Variants in STK32B observed in about 807,000 individuals in gnomAD.
The protein encoded by STK32B is serine/threonine kinase 32B, also known as serine/threonine-protein kinase 32B.
STK32B carries 43 observed loss-of-function variants against 52.6 expected under a neutral mutation model. The observed-to-expected ratio is 0.82, with a 90% CI of 0.64 to 1.05. The LOEUF (loss-of-function observed/expected upper bound fraction) is 1.05. Ranked by LOEUF, STK32B falls within the 50% of genes least tolerant of loss-of-function variation. The probability of loss-of-function intolerance (pLI) is 0.00; values close to 1 mark genes in which losing one functional copy is unlikely to be tolerated. For missense variants in STK32B, 621 were observed against 534.6 expected, an observed-to-expected ratio of 1.16 and a Z score of -1.59; for synonymous variants, 238 against 204.3, an observed-to-expected ratio of 1.17 and a Z score of -1.41.
intron 6 of STK32B, among the ~76,000 whole-genome samples, chr4:5,425,058 C>G (rs1258842280): frequency 2.0e-5 from 3 of 152,246 alleles, no homozygotes; most frequent in Non-Finnish European, 4.4e-5. Context: ...GCTGTTCACC[C>G]CGCCACAGCC....
At chr4:5,415,978 C>T (rs1049031978) in intron 5 of STK32B, among the ~76,000 whole-genome samples, 6 of 152,146 alleles carry the variant, frequency 3.9e-5, no homozygotes, top group African/African-American at 1.4e-4. Flanking sequence ...TGCCAAATGC[C>T]ACTCTTAGGT....
intron 6 of STK32B, among the ~76,000 whole-genome samples, chr4:5,425,252 G>A (rs562655811): frequency 1.3e-5 from 2 of 152,330 alleles, no homozygotes; most frequent in South Asian, 4.1e-4. Context: ...GCAGGTGAAG[G>A]TGCCACCAGC....
At chr4:5,187,477 G>C (rs1185344674) in intron 3 of STK32B, among the ~76,000 whole-genome samples, 1 of 152,170 alleles carries the variant, frequency 6.6e-6, no homozygotes, top group Non-Finnish European at 1.5e-5. Flanking sequence ...AAAAGCTGAA[G>C]ACTAGTGGAT....
At chr4:5,244,305 G>A (rs1725276520) in intron 3 of STK32B, among the ~76,000 whole-genome samples, 1 of 152,166 alleles carries the variant, frequency 6.6e-6, no homozygotes, top group South Asian at 2.1e-4. Context: ...TTAGTCTTGG[G>A]AGGGTGTATG....
chr4:5,150,100 T>G (rs1717223232), intron 2 of STK32B, among the ~76,000 whole-genome samples: 1 of 152,062 alleles, frequency 6.6e-6, no homozygotes, highest in Non-Finnish European at 1.5e-5. Context: ...CTTTGAATCA[T>G]TATTGTCCAG....
At chr4:5,124,163 C>G (rs1560163690) in intron 1 of STK32B, among the ~76,000 whole-genome samples, 1 of 152,302 alleles carries the variant, frequency 6.6e-6, no homozygotes, top group East Asian at 1.9e-4. Context: ...ACCCCATCAG[C>G]TTGTTGAGTT....
At chr4:5,275,215 A>G (rs2108862860) in intron 3 of STK32B, among the ~76,000 whole-genome samples, 1 of 152,306 alleles carries the variant, frequency 6.6e-6, no homozygotes, top group South Asian at 2.1e-4. Context: ...AACCAATTAT[A>G]TAATATTAAG....
intron 3 of STK32B, among the ~76,000 whole-genome samples, chr4:5,310,144 A>C (rs6832831): frequency 0.13 from 19,441 of 152,052 alleles, 2,690 homozygotes; most frequent in African/African-American, 0.35. Context: ...CCAGCCTGGG[A>C]AACAGAGCAA....
chr4:5,421,271 T>C (rs964462276), intron 6 of STK32B, among the ~76,000 whole-genome samples: 12 of 151,874 alleles, frequency 7.9e-5, no homozygotes, highest in African/African-American at 2.2e-4. Flanking sequence ...TTTGTATTTT[T>C]AGTAGAGACG....
intron 4 of STK32B, among the ~76,000 whole-genome samples, chr4:5,344,124 C>A (rs1185746399): frequency 6.6e-6 from 1 of 152,112 alleles, no homozygotes; most frequent in Admixed American, 6.5e-5. Context: ...AAGTGCAGGA[C>A]CCCGGTAATT....
At chr4:5,095,747 T>C (rs747915128) in intron 1 of STK32B, among the ~76,000 whole-genome samples, 5 of 152,256 alleles carry the variant, frequency 3.3e-5, no homozygotes, top group Admixed American at 6.5e-5. Flanking sequence ...ACCACCGTCA[T>C]GACTGACCCT....
At chr4:5,135,545 G>A (rs1012017715) in intron 1 of STK32B, among the ~76,000 whole-genome samples, 1 of 152,200 alleles carries the variant, frequency 6.6e-6, no homozygotes, top group African/African-American at 2.4e-5. Flanking sequence ...TAGACAACCT[G>A]ACCCACTGAA....
At chr4:5,228,725 T>C (rs1724041381) in intron 3 of STK32B, among the ~76,000 whole-genome samples, 1 of 152,196 alleles carries the variant, frequency 6.6e-6, no homozygotes, top group Non-Finnish European at 1.5e-5. Context: ...CCTAGCACTT[T>C]GGGAGGCCGA....
At position 5,151,969 on chromosome 4, in the gene STK32B, T is replaced by C. The variant is rs564891625; in HGVS notation, c.108+12009T>C. On this transcript the variant is annotated intron_variant, in intron 2 of 11. Coordinates refer to ENST00000282908, the MANE Select transcript of STK32B (RefSeq NM_018401.3). Reference sequence around the variant, plus strand: ...ACTTGAGATGACCATATGATGTGCCTGTGCCAGCCACATGGACCATATTCA... The same window carrying C: ...ACTTGAGATGACCATATGATGTGCCCGTGCCAGCCACATGGACCATATTCA... Among the ~76,000 whole-genome samples, 9 of 152,326 alleles carry C rather than the reference T, an allele frequency of 5.9e-5. No homozygotes were observed. The East Asian group carries it at 1.7e-3, about 29-fold the overall frequency.
chr4:5,442,062 G>GA (rs1409057987), intron 6 of STK32B, among the ~76,000 whole-genome samples: 10 of 110,468 alleles, frequency 9.1e-5, no homozygotes, highest in Middle Eastern at 3.9e-3. Flanking sequence ...GTGTGGTGCT[G>GA]AAAAAAATGT....
At chr4:5,101,310 C>G (rs1057505371) in intron 1 of STK32B, among the ~76,000 whole-genome samples, 2 of 151,938 alleles carry the variant, frequency 1.3e-5, no homozygotes, top group African/African-American at 4.8e-5. Context: ...AGCATGCCTT[C>G]GGGGACATTG....
At chr4:5,364,049 A>T (rs968034600) in intron 4 of STK32B, among the ~76,000 whole-genome samples, 1 of 152,150 alleles carries the variant, frequency 6.6e-6, no homozygotes, top group African/African-American at 2.4e-5. Flanking sequence ...TTTGAAAAAA[A>T]AATCAAACCA....
chr4:5,307,873 C>T (rs761340373), intron 3 of STK32B, among the ~76,000 whole-genome samples: 9 of 151,908 alleles, frequency 5.9e-5, no homozygotes, highest in African/African-American at 9.7e-5. Flanking sequence ...TCCTGAGAGC[C>T]GAACTGCAGT....
chr4:5,254,492 AT>A (rs1382150742), intron 3 of STK32B, among the ~76,000 whole-genome samples: 2 of 151,650 alleles, frequency 1.3e-5, no homozygotes, highest in African/African-American at 4.8e-5. Context: ...GATTTTCAGC[AT>A]TTTTTTTCTG....
Sources: allele counts gnomAD v4.1 joint callset (sites outside exome capture counted in the v4.1 genomes callset), GRCh38; gene constraint gnomAD v4.1.1; transcripts MANE v1.5; gene names NCBI Gene and HGNC (gene_info 2026-07-23, HGNC 2026-07-21).